Variants in ZNF804B observed in about 807,000 individuals in gnomAD.
The protein encoded by ZNF804B is zinc finger 804B.
Under a neutral mutation model 101.4 loss-of-function variants are expected in ZNF804B, and 80 were observed. The ratio of observed to expected loss-of-function variants is 0.79; its 90% CI spans 0.66 to 0.95. The LOEUF (loss-of-function observed/expected upper bound fraction) is 0.95. Among genes scored for constraint, ZNF804B ranks in the 40% least tolerant of loss-of-function variants. The probability of loss-of-function intolerance (pLI) is 0.00; values close to 1 mark genes in which losing one functional copy is unlikely to be tolerated. For synonymous variants in ZNF804B, 622 were observed against 558.8 expected (o/e 1.11, Z -1.59); for missense variants, 1,673 against 1,561.9 (o/e 1.07, Z -1.20).
chr7:89,334,335 C>A lies in ZNF804B; in HGVS notation c.1353C>A (p.Gly451=), dbSNP rs1791037793. ...LPFLHVQSKD[G]HTTLQWPTEL... ...TTCTCCACGTTCAAAGCAAGGATGG[C>A]CACACCACTCTTCAATGGCCTACGG... Residue 451 remains glycine, a synonymous_variant, in exon 4 of 4, where the codon GGC becomes GGA. Transcript: ENST00000333190. 19 of 1,613,698 alleles carry A rather than the reference C, an allele frequency of 1.2e-5. No individual in the cohort carries two copies. In the East Asian group the frequency reaches 4.2e-4, roughly 36 times the overall value.
chr7:89,008,803 A>G (rs1362036510), intron 1 of ZNF804B, among the ~76,000 whole-genome samples: 1 of 152,100 alleles, frequency 6.6e-6, no homozygotes, highest in South Asian at 2.1e-4. Flanking sequence ...TTTCAAGTAG[A>G]CCCTTACACT....
rs527981330 is a variant in ZNF804B, at chr7:89,253,608, AAC to A, written c.249+35316_249+35317del. 3.8e-3 allele frequency among the ~76,000 whole-genome samples: 572 copies of A among 152,280 alleles called. 3 individuals are homozygous for A. The highest frequency in any genetic ancestry group is 0.013 in the African/African-American group (549 of 41,572). On this transcript the variant is annotated intron_variant, in intron 2 of 3. Transcript: ENST00000333190. The stretch of plus-strand genomic sequence containing the variant: ...TCTTTTAAAATCCTCTCATTGTGTA[AAC>A]ACCAGTTCCAGATGGTTTCAAGGTA...
intron 1 of ZNF804B, among the ~76,000 whole-genome samples, chr7:89,116,872 A>G (rs1433509088): frequency 1.3e-5 from 2 of 152,210 alleles, no homozygotes; most frequent in Admixed American, 6.5e-5. Context: ...GAACATGTAA[A>G]TATTACTTTA....
intron 1 of ZNF804B, among the ~76,000 whole-genome samples, chr7:89,040,311 T>A (rs1048491866): frequency 2.0e-5 from 3 of 152,106 alleles, no homozygotes; most frequent in African/African-American, 7.2e-5. Flanking sequence ...TATTTCTTTT[T>A]ATTCTTTTGG....
At chr7:88,844,954 G>A (rs532973405) in intron 1 of ZNF804B, among the ~76,000 whole-genome samples, 1 of 152,264 alleles carries the variant, frequency 6.6e-6, no homozygotes, top group African/African-American at 2.4e-5. Context: ...GGATCTGCGA[G>A]CTGGAAGTTC....
chr7:89,015,397 A>C (rs1164130501), intron 1 of ZNF804B, among the ~76,000 whole-genome samples: 1 of 151,982 alleles, frequency 6.6e-6, no homozygotes, highest in Non-Finnish European at 1.5e-5. Flanking sequence ...CAGGTTAGTT[A>C]CATATGTATA....
chr7:89,246,698 A>G (rs1584080675), intron 2 of ZNF804B, among the ~76,000 whole-genome samples: 1 of 152,154 alleles, frequency 6.6e-6, no homozygotes, highest in African/African-American at 2.4e-5. Flanking sequence ...CCACCCAGGC[A>G]GATCTCCAGA....
At chr7:89,055,620 G>C (rs867251777) in intron 1 of ZNF804B, among the ~76,000 whole-genome samples, 60 of 152,140 alleles carry the variant, frequency 3.9e-4, no homozygotes, top group African/African-American at 1.4e-3. Context: ...AGAAGTGGGG[G>C]AAAGACTGCC....
chr7:89,131,402 C>T (rs1236717773), intron 1 of ZNF804B, among the ~76,000 whole-genome samples: 1 of 151,866 alleles, frequency 6.6e-6, no homozygotes. Context: ...ATATTGCCAG[C>T]CTTCATAGGC....
chr7:89,083,378 C>G (rs952406052), intron 1 of ZNF804B, among the ~76,000 whole-genome samples: 5 of 151,754 alleles, frequency 3.3e-5, no homozygotes, highest in Non-Finnish European at 7.4e-5. Context: ...ATTTCTGTTC[C>G]TTTCTCCAAA....
intron 2 of ZNF804B, among the ~76,000 whole-genome samples, chr7:89,233,753 C>T (rs13240319): frequency 0.21 from 31,582 of 151,974 alleles, 3,989 homozygotes; most frequent in Non-Finnish European, 0.27. Flanking sequence ...ATTCTCCTGC[C>T]TCAGCCTCCT....
chr7:89,219,900 T>C (rs1788957731), intron 2 of ZNF804B, among the ~76,000 whole-genome samples: 1 of 149,200 alleles, frequency 6.7e-6, no homozygotes, highest in African/African-American at 2.5e-5. Context: ...TATGTATATA[T>C]GTGTGTGCAT....
At chr7:89,051,064 A>G (rs999269054) in intron 1 of ZNF804B, among the ~76,000 whole-genome samples, 2 of 152,070 alleles carry the variant, frequency 1.3e-5, no homozygotes, top group Admixed American at 6.6e-5. Flanking sequence ...TGGCTACACA[A>G]TGTTCCATAA....
intron 1 of ZNF804B, among the ~76,000 whole-genome samples, chr7:88,963,048 C>T (rs916744772): frequency 6.6e-6 from 1 of 150,930 alleles, no homozygotes; most frequent in Non-Finnish European, 1.5e-5. Context: ...GAAGGACATT[C>T]CCTTTTCATG....
At chr7:89,045,517 T>C (rs1198276056) in intron 1 of ZNF804B, among the ~76,000 whole-genome samples, 1 of 152,190 alleles carries the variant, frequency 6.6e-6, no homozygotes, top group Non-Finnish European at 1.5e-5. Flanking sequence ...GACCATGTCC[T>C]GCAAAGCCAC....
chr7:89,191,107 C>A (rs1161558363), intron 1 of ZNF804B, among the ~76,000 whole-genome samples: 1 of 151,868 alleles, frequency 6.6e-6, no homozygotes, highest in African/African-American at 2.4e-5. Flanking sequence ...GTTATACATT[C>A]GATTTAGGAA....
At chr7:88,864,254 C>T (rs1276184310) in intron 1 of ZNF804B, among the ~76,000 whole-genome samples, 1 of 152,170 alleles carries the variant, frequency 6.6e-6, no homozygotes, top group Non-Finnish European at 1.5e-5. Context: ...GTAATAAGCT[C>T]TTAAGCATGC....
intron 1 of ZNF804B, among the ~76,000 whole-genome samples, chr7:89,108,881 C>G (rs2116349095): frequency 6.6e-6 from 1 of 152,180 alleles, no homozygotes; most frequent in African/African-American, 2.4e-5. Context: ...AAATACATTG[C>G]TTGAAAACAC....
chr7:88,896,969 T>C (rs904488387), intron 1 of ZNF804B, among the ~76,000 whole-genome samples: 7 of 152,220 alleles, frequency 4.6e-5, no homozygotes, highest in African/African-American at 1.4e-4. Context: ...TAATCACAAG[T>C]TGACTGCCTT....
Sources: gnomAD v4.1 joint callset for allele counts (sites outside exome capture counted in the v4.1 genomes callset) on GRCh38, gnomAD v4.1.1 for gene constraint, MANE v1.5 for transcripts, NCBI Gene and HGNC (gene_info 2026-07-23, HGNC 2026-07-21) for gene names.